The following TRPM3 variants were observed in gnomAD, a reference collection of about 807,000 sequenced individuals.
TRPM3 encodes transient receptor potential cation channel subfamily M member 3.
In TRPM3, 77 loss-of-function variants were observed where a neutral mutation model predicts 181.2. The observed-to-expected ratio is 0.42, with a 90% CI of 0.35 to 0.51. The LOEUF (loss-of-function observed/expected upper bound fraction) is 0.51, where lower values mean the gene tolerates loss of function less well. TRPM3 is among the 20% of genes least tolerant of loss of function. The pLI, the probability that TRPM3 is intolerant of heterozygous loss-of-function variation, is 0.01. For synonymous variants in TRPM3, 745 were observed against 796.4 expected (o/e 0.94, Z 1.09); for missense variants, 1,759 against 2,196.7 (o/e 0.80, Z 3.98).
chr9:71,422,760 A>C (rs1255123397), intron 1 of TRPM3, among the ~76,000 whole-genome samples: 1 of 152,080 alleles, frequency 6.6e-6, no homozygotes, highest in Non-Finnish European at 1.5e-5. Flanking sequence ...AAAATTAGTC[A>C]GCTGATAAAA....
At chr9:71,099,303 TA>T (rs763900779) in intron 1 of TRPM3, among the ~76,000 whole-genome samples, 6 of 152,142 alleles carry the variant, frequency 3.9e-5, no homozygotes, top group Non-Finnish European at 8.8e-5. Flanking sequence ...GCTCTTTCTT[TA>T]TGACCTAGTT....
intron 1 of TRPM3, among the ~76,000 whole-genome samples, chr9:71,305,002 A>G (rs2087136704): frequency 6.6e-6 from 1 of 152,168 alleles, no homozygotes; most frequent in Non-Finnish European, 1.5e-5. Context: ...TCCCTGTCAC[A>G]TTCTATTCTT....
intron 22 of TRPM3, among the ~76,000 whole-genome samples, chr9:70,589,108 C>T (rs529911784): frequency 1.6e-4 from 25 of 152,318 alleles, no homozygotes; most frequent in South Asian, 1.5e-3. Context: ...TTCTCACACA[C>T]GTAGAGCTCC....
chr9:71,233,433 C>T (rs1329740200), intron 1 of TRPM3, among the ~76,000 whole-genome samples: 1 of 152,134 alleles, frequency 6.6e-6, no homozygotes, highest in African/African-American at 2.4e-5. Flanking sequence ...TCTTTAATTG[C>T]TCAATTCTTG....
intron 1 of TRPM3, among the ~76,000 whole-genome samples, chr9:71,285,875 C>T (rs576328187): frequency 1.3e-5 from 2 of 152,244 alleles, no homozygotes; most frequent in Non-Finnish European, 2.9e-5. Context: ...ATCCATTATG[C>T]GCTGTAATTT....
At chr9:71,319,489 C>T (rs529546707) in intron 1 of TRPM3, among the ~76,000 whole-genome samples, 7 of 152,154 alleles carry the variant, frequency 4.6e-5, no homozygotes, top group South Asian at 4.1e-4. Flanking sequence ...CTTCCTCTAC[C>T]GTTCTGTTTT....
chr9:71,376,461 G>C (rs961383594), intron 1 of TRPM3, among the ~76,000 whole-genome samples: 1 of 151,922 alleles, frequency 6.6e-6, no homozygotes, highest in Admixed American at 6.6e-5. Context: ...TTTTTCAGGA[G>C]TTCTATATTT....
At chr9:71,413,083 C>T (rs1336914483) in intron 1 of TRPM3, among the ~76,000 whole-genome samples, 1 of 152,004 alleles carries the variant, frequency 6.6e-6, no homozygotes, top group Non-Finnish European at 1.5e-5. Flanking sequence ...GAACATCACA[C>T]ACTGGGGCCT....
intron 1 of TRPM3, among the ~76,000 whole-genome samples, chr9:71,157,608 C>T (rs572887539): frequency 2.0e-5 from 3 of 152,198 alleles, no homozygotes; most frequent in African/African-American, 7.2e-5. Flanking sequence ...TTCTGAGTTT[C>T]TATTAGTATG....
chr9:71,210,888 G>A (rs560933047), intron 1 of TRPM3, among the ~76,000 whole-genome samples: 8 of 152,332 alleles, frequency 5.3e-5, no homozygotes, highest in South Asian at 2.1e-4. Flanking sequence ...GTGTTCTCAC[G>A]TGGCAGAGAC....
chr9:71,413,961 A>C (rs1588918439), intron 1 of TRPM3, among the ~76,000 whole-genome samples: 1 of 152,050 alleles, frequency 6.6e-6, no homozygotes, highest in East Asian at 1.9e-4. Flanking sequence ...TTTATACCAC[A>C]GTTATTGACA....
chr9:71,356,461 A>G (rs1187669959), intron 1 of TRPM3, among the ~76,000 whole-genome samples: 1 of 152,134 alleles, frequency 6.6e-6, no homozygotes, highest in Non-Finnish European at 1.5e-5. Context: ...CTATGCTATG[A>G]GACTGTAAAA....
chr9:70,813,259 C>G, intron 6 of TRPM3, among the ~76,000 whole-genome samples: 2 of 152,224 alleles, frequency 1.3e-5, no homozygotes, highest in Admixed American at 1.3e-4. Flanking sequence ...GGAATCAACC[C>G]GGGTGCTCAT....
At chr9:70,615,883 G>A (rs780051466) in intron 18 of TRPM3, 25 bp downstream of exon 18, 3 of 1,585,668 alleles carry the variant, frequency 1.9e-6, no homozygotes, top group Non-Finnish European at 2.6e-6. Context: ...TGCCCATAGA[G>A]AATAACTGTG....
intron 1 of TRPM3, among the ~76,000 whole-genome samples, chr9:70,933,827 G>C (rs992427312): frequency 1.2e-4 from 19 of 152,166 alleles, no homozygotes; most frequent in Middle Eastern, 6.8e-3. Context: ...ATAACTTATA[G>C]TGTTGGGTTC....
chr9:71,315,046 T>C (rs2088426230), intron 1 of TRPM3, among the ~76,000 whole-genome samples: 1 of 152,076 alleles, frequency 6.6e-6, no homozygotes, highest in Admixed American at 6.6e-5. Flanking sequence ...GGGTGATAAC[T>C]AACTAAAATG....
intron 1 of TRPM3, among the ~76,000 whole-genome samples, chr9:71,380,199 T>C (rs146706797): frequency 1.7e-4 from 26 of 152,154 alleles, no homozygotes; most frequent in African/African-American, 6.0e-4. Context: ...TTCTTCCTTC[T>C]AGAGAAAGGC....
chr9:70,974,023 G>A (rs1049493653), intron 1 of TRPM3, among the ~76,000 whole-genome samples: 2 of 152,092 alleles, frequency 1.3e-5, no homozygotes. Flanking sequence ...AAATGAAAAG[G>A]AATTATACTT....
chr9:71,420,639 G>GAA (rs797015285), intron 1 of TRPM3, among the ~76,000 whole-genome samples: 7 of 123,602 alleles, frequency 5.7e-5, no homozygotes, highest in Non-Finnish European at 1.1e-4. Context: ...AAAAGAAAAA[G>GAA]AGAGAGAAAG....
Sources: allele counts gnomAD v4.1 joint callset (sites outside exome capture counted in the v4.1 genomes callset), GRCh38; gene constraint gnomAD v4.1.1; transcripts MANE v1.5; gene names NCBI Gene and HGNC (gene_info 2026-07-23, HGNC 2026-07-21).